The following TSHR variants were observed in gnomAD, a reference collection of about 807,000 sequenced individuals.
The protein encoded by TSHR is thyroid stimulating hormone receptor, also known as thyrotropin receptor.
TSHR carries 51 observed loss-of-function variants against 64.1 expected under a neutral mutation model. The ratio of observed to expected loss-of-function variants is 0.80; its 90% CI spans 0.64 to 1.01. TSHR has a LOEUF of 1.01. Ranked by LOEUF, TSHR falls within the 50% of genes least tolerant of loss-of-function variation. TSHR has a pLI of 0.00. For missense variants in TSHR, 877 were observed against 942.8 expected, an observed-to-expected ratio of 0.93 and a Z score of 0.91; for synonymous variants, 361 against 361.9, an observed-to-expected ratio of 1.00 and a Z score of 0.03.
intron 8 of TSHR, among the ~76,000 whole-genome samples, chr14:81,121,729 G>T (rs1890799728): frequency 6.6e-6 from 1 of 152,062 alleles, no homozygotes; most frequent in Non-Finnish European, 1.5e-5. Flanking sequence ...ATCACTTGAG[G>T]TCGGGAGTTT....
rs371155560 is a variant in TSHR at position 81,103,061 on chromosome 14, A to G, written c.615-5314A>G. ...TTTCCTAGATTTAAGCACTTCAGTAAAAGGTATCATGTAAATCCAGTGTAA... is the reference window on the plus strand; with the variant it reads ...TTTCCTAGATTTAAGCACTTCAGTAGAAGGTATCATGTAAATCCAGTGTAA... On this transcript the variant is annotated intron_variant, in intron 7 of 9. Coordinates refer to ENST00000298171, the MANE Select transcript of TSHR (RefSeq NM_000369.5). The surrounding 1 kb of genome is among the most constrained non-coding windows in gnomAD (Gnocchi z 4.1). 2.5e-4 allele frequency: 250 copies of G among 985,416 alleles called. 1 individual carries two copies. The African/African-American group carries it at 4.0e-3, about 16-fold the overall frequency. The allele number at this position is 985,416 out of a possible 1,614,324, so 61.0% of individuals were successfully genotyped here.
intron 1 of TSHR, among the ~76,000 whole-genome samples, chr14:81,020,344 G>A (rs1883680626): frequency 6.6e-6 from 1 of 152,172 alleles, no homozygotes; most frequent in African/African-American, 2.4e-5. Context: ...GCCACATAGA[G>A]GAAGTGAGTG....
At chr14:81,067,926 A>AATATATATAT (rs1566790843) in intron 2 of TSHR, among the ~76,000 whole-genome samples, 9 of 41,354 alleles carry the variant, frequency 2.2e-4, no homozygotes, top group African/African-American at 1.9e-3. Context: ...ACAGGGTGAC[A>AATATATATAT]CTATATATAT....
chr14:80,983,668 C>G (rs577376537), intron 1 of TSHR: 1 of 695,786 alleles, frequency 1.4e-6, no homozygotes, highest in South Asian at 3.0e-5. Flanking sequence ...CACTTTGAAC[C>G]ATCTCCAAAC....
intron 1 of TSHR, among the ~76,000 whole-genome samples, chr14:81,061,808 T>G (rs1289183972): frequency 1.3e-5 from 2 of 152,084 alleles, no homozygotes; most frequent in African/African-American, 4.8e-5. Context: ...AAAATAATCA[T>G]GTTTTTTCAA....
chr14:80,988,170 C>T (rs1374771965), intron 1 of TSHR, among the ~76,000 whole-genome samples: 1 of 152,162 alleles, frequency 6.6e-6, no homozygotes, highest in Admixed American at 6.5e-5. Flanking sequence ...TTAAACAATA[C>T]TTAAATCCAC....
At chr14:81,005,749 G>A (rs991070950) in intron 1 of TSHR, among the ~76,000 whole-genome samples, 8 of 152,132 alleles carry the variant, frequency 5.3e-5, no homozygotes, top group East Asian at 3.9e-4. Flanking sequence ...TGAAGTTTTC[G>A]GGTATGACGT....
At chr14:80,984,569 C>T (rs191606897) in intron 1 of TSHR, among the ~76,000 whole-genome samples, 28 of 152,304 alleles carry the variant, frequency 1.8e-4, no homozygotes, top group African/African-American at 6.0e-4. Context: ...GACACCAGAA[C>T]CCATCTCACC....
chr14:80,990,525 T>TA (rs1457795716), intron 1 of TSHR, among the ~76,000 whole-genome samples: 3 of 152,234 alleles, frequency 2.0e-5, no homozygotes, highest in South Asian at 2.1e-4. Context: ...ATATGTCCAA[T>TA]AAAAAAAGCT....
chr14:80,962,415 G>C (rs1032044672), intron 1 of TSHR, among the ~76,000 whole-genome samples: 1 of 152,158 alleles, frequency 6.6e-6, no homozygotes, highest in Non-Finnish European at 1.5e-5. Context: ...TCCTCTGAAG[G>C]CTCTTGGGAC....
In TSHR at chr14:81,143,892, C is replaced by T. The variant is rs1891819235; in HGVS notation, c.1834C>T (p.Gln612Ter). ...GATCTACATCACAGTCCGAAATCCG[C>T]AGTACAACCCAGGGGACAAAGATAC... is the stretch of plus-strand genomic sequence containing the variant. ...VKIYITVRNP[Q>*]YNPGDKDTKI... is the part of the protein sequence containing the mutation. Residue 612 changes from glutamine to a stop codon, truncating the protein, a stop_gained, in exon 10 of 10, where the codon CAG (glutamine) becomes TAG (stop). Transcript: ENST00000298171. LOFTEE classifies it high-confidence loss of function. 1 of 1,614,168 alleles carries T rather than the reference C, an allele frequency of 6.2e-7. No individual in the cohort carries two copies. Among genetic ancestry groups the T allele is most frequent in the Non-Finnish European group, 8.5e-7 (1 of 1,180,046 alleles).
intron 1 of TSHR, among the ~76,000 whole-genome samples, chr14:81,040,978 A>G (rs953553326): frequency 1.3e-5 from 2 of 152,182 alleles, no homozygotes; most frequent in Admixed American, 6.6e-5. Flanking sequence ...ATCTCAGACC[A>G]GTCAGAATAG....
At position 81,068,247 on chromosome 14, in the gene TSHR, C is replaced by T. The variant is rs778183850; in HGVS notation, c.243-7C>T. 1.9e-6 allele frequency: 3 copies of T among 1,612,346 alleles called. No homozygotes were observed. Among genetic ancestry groups the T allele is most frequent in the Non-Finnish European group, 2.5e-6 (3 of 1,178,938 alleles). On this transcript the variant is annotated splice_region_variant and splice_polypyrimidine_tract_variant and intron_variant, in intron 2 of 9. Transcript: ENST00000298171. ...TCTACTTTGTCTTATATTTTTCTGACATTCAGCTACGTATCTATAGATGTG... is the reference window on the plus strand; with the variant it reads ...TCTACTTTGTCTTATATTTTTCTGATATTCAGCTACGTATCTATAGATGTG...
intron 1 of TSHR, among the ~76,000 whole-genome samples, chr14:80,976,102 G>A (rs538046797): frequency 1.3e-5 from 2 of 152,192 alleles, no homozygotes; most frequent in African/African-American, 4.8e-5. Context: ...TACTAGAGAC[G>A]GGGTTTCACC....
chr14:80,956,225 G>C (rs1886672488), intron 1 of TSHR, among the ~76,000 whole-genome samples: 1 of 152,138 alleles, frequency 6.6e-6, no homozygotes, highest in Non-Finnish European at 1.5e-5. Context: ...ATCTTACCTT[G>C]GGTAATAAAA....
chr14:81,109,761 A>C (rs1307602444), intron 8 of TSHR, among the ~76,000 whole-genome samples: 1 of 152,028 alleles, frequency 6.6e-6, no homozygotes, highest in Non-Finnish European at 1.5e-5. Context: ...CCATCCAAAT[A>C]AGAGGTCAGA....
intron 1 of TSHR, among the ~76,000 whole-genome samples, chr14:80,990,647 A>G (rs1253649041): frequency 1.4e-5 from 2 of 144,706 alleles, no homozygotes; most frequent in African/African-American, 5.1e-5. Context: ...TTTAAGAGAC[A>G]GGCTGAAACA....
chr14:80,962,758 C>A (rs1053346392), intron 1 of TSHR, among the ~76,000 whole-genome samples: 1 of 152,140 alleles, frequency 6.6e-6, no homozygotes, highest in Non-Finnish European at 1.5e-5. Context: ...CTTCCCTAGT[C>A]AGGGAGGGAA....
chr14:80,961,462 G>A (rs1206130934), intron 1 of TSHR, among the ~76,000 whole-genome samples: 1 of 152,226 alleles, frequency 6.6e-6, no homozygotes, highest in Non-Finnish European at 1.5e-5. Flanking sequence ...AGTGTAAGAA[G>A]TTTCAGTGGA....
Sources: allele counts gnomAD v4.1 joint callset (sites outside exome capture counted in the v4.1 genomes callset), GRCh38; gene constraint gnomAD v4.1.1; non-coding constraint Gnocchi (gnomAD v3.1); transcripts MANE v1.5; gene names NCBI Gene and HGNC (gene_info 2026-07-23, HGNC 2026-07-21).